Variants in DLX5 observed in about 807,000 individuals in gnomAD.
DLX5 encodes the protein homeobox protein DLX-5.
DLX5 carries 8 observed loss-of-function variants against 27.1 expected under a neutral mutation model. The ratio of observed to expected loss-of-function variants is 0.30; its 90% CI spans 0.17 to 0.53. DLX5 has a LOEUF of 0.53. Among genes scored for constraint, DLX5 ranks in the 20% least tolerant of loss-of-function variants. The probability of loss-of-function intolerance (pLI) is 0.95; values close to 1 mark genes in which losing one functional copy is unlikely to be tolerated. For missense variants in DLX5, 339 were observed against 375.1 expected, an observed-to-expected ratio of 0.90 and a Z score of 0.80; for synonymous variants, 178 against 161.9, an observed-to-expected ratio of 1.10 and a Z score of -0.75.
At chr7:97,022,080 T>C (rs1790078700) in intron 2 of DLX5, 105 bp downstream of exon 2, 2 of 1,385,080 alleles carry the variant, frequency 1.4e-6, no homozygotes, top group African/African-American at 1.4e-5. Context: ...TGTTAGTTTC[T>C]CACGGGTACT....
rs79183163 is a variant in DLX5, at chr7:97,024,110, C to T, written c.355+159G>A. On this transcript the variant is annotated intron_variant, in intron 1 of 2. Transcript: ENST00000648378. The surrounding 1 kb of genome is among the most constrained non-coding windows in gnomAD (Gnocchi z 4.6). ...ACTAAAAATCCCTAAAATGCTGGCCCGAGAAACTCTCTTTGTTGGAGGGTC... is the reference window on the plus strand; with the variant it reads ...ACTAAAAATCCCTAAAATGCTGGCCTGAGAAACTCTCTTTGTTGGAGGGTC... Among the ~76,000 whole-genome samples the T allele has an allele frequency of 4.6e-3, 704 of 152,258 alleles. 7 individuals carry two copies. The highest frequency in any genetic ancestry group is 0.016 in the African/African-American group (668 of 41,546).
At position 97,020,985 on chromosome 7, in the gene DLX5, G is replaced by A. The variant is rs533894373; in HGVS notation, c.621C>T (p.Pro207=). The change falls in exon 3 of 3, where the codon CCC becomes CCT. Residue 207 remains proline, a synonymous_variant. Coordinates refer to ENST00000648378, the MANE Select transcript of DLX5 (RefSeq NM_005221.6). ...KNGEMPPEHS[P]SSSDPMACNS... Reference sequence around the variant, plus strand: ...TACACGCCATTGGGTCGCTGGAGCTGGGACTGTGCTCCGGGGGCATCTCCC... The same window carrying A: ...TACACGCCATTGGGTCGCTGGAGCTAGGACTGTGCTCCGGGGGCATCTCCC... 6.2e-7 allele frequency: 1 copy of A among 1,613,844 alleles called. No homozygotes were observed. Among genetic ancestry groups the A allele is most frequent in the Non-Finnish European group, 8.5e-7 (1 of 1,180,042 alleles).
At chr7:97,021,997 T>TGGG in intron 2 of DLX5, 188 bp downstream of exon 2, 1 of 687,450 alleles carries the variant, frequency 1.5e-6, no homozygotes, top group South Asian at 1.8e-5. Context: ...TCCAGACCGC[T>TGGG]GATGAATACC....
chr7:97,020,833 G>A lies in DLX5; in HGVS notation c.773C>T (p.Ser258Phe). The change falls in exon 3 of 3, where the codon TCC becomes TTC. Residue 258 changes from serine to phenylalanine, a missense_variant. Ser to Phe is a radical substitution (Grantham distance 155, BLOSUM62 -2). Around this residue, in one of 3 missense-constraint regions of DLX5, gnomAD observed 136 missense variants for 130.3 expected, o/e 1.04. Transcript: ENST00000648378. ...PASSYLENSA[S>F]WYTSAASSIN... ...TGAGCTGGCTGCACTTGTGTACCAG[G>A]ATGCAGAGTTCTCCAGGTAGCTGGA... 2 of 1,614,098 alleles carry A rather than the reference G, an allele frequency of 1.2e-6. No homozygotes were observed. The highest frequency in any genetic ancestry group is 1.7e-6 in the Non-Finnish European group (2 of 1,179,990).
chr7:97,022,570 C>A lies in DLX5; in HGVS notation c.356-201G>T, dbSNP rs1196203831. On this transcript the variant is annotated intron_variant, in intron 1 of 2. Coordinates refer to ENST00000648378, the MANE Select transcript of DLX5 (RefSeq NM_005221.6). ...AAAGCGGGATAGCCTCTGATTAATT[C>A]CTACTCTGTTCATTCAGATAGTTTG... 3 of 985,464 alleles carry A rather than the reference C, an allele frequency of 3.0e-6. No homozygotes were observed. In the African/African-American group the frequency reaches 5.2e-5, roughly 17 times the overall value. The allele number at this position is 985,464 out of a possible 1,614,324, so 61.0% of individuals were successfully genotyped here. A position where few individuals can be genotyped will look rare whatever the true frequency, so the allele number is the denominator to read the frequency against.
Position 97,024,263 on chromosome 7 carries a change from A to C in DLX5, c.355+6T>G. The C allele has an allele frequency of 6.2e-7, 1 of 1,611,494 alleles. No homozygotes were observed. The highest frequency in any genetic ancestry group is 8.5e-7 in the Non-Finnish European group (1 of 1,178,500). ...TATCTGCCCAGCCTTCCCCCTGTCC[A>C]TGTACCTGGCTGGTTGGTGGCGCTT... On this transcript the variant is annotated splice_donor_region_variant and intron_variant, in intron 1 of 2. Coordinates refer to ENST00000648378, the MANE Select transcript of DLX5 (RefSeq NM_005221.6). This position sits in a 1 kb window ranked among gnomAD's most constrained non-coding sequence, Gnocchi z 4.6.
At chr7:97,021,987 T>G in intron 2 of DLX5, 198 bp downstream of exon 2, 1 of 667,544 alleles carries the variant, frequency 1.5e-6, no homozygotes, top group Non-Finnish European at 2.6e-6. Flanking sequence ...GGGAGGTATC[T>G]CCAGACCGCT....
At position 97,021,494 on chromosome 7, in the gene DLX5, A is replaced by G. The variant is rs1368704701; in HGVS notation, c.541-429T>C. On this transcript the variant is annotated intron_variant, in intron 2 of 2. Transcript: ENST00000648378. ...CGGGCTACGCGCGCCTGTGGTCAGA[A>G]AAAGGAGCGAGCTCCCAACCTCCCG... Among the ~76,000 whole-genome samples, 6 of 152,294 alleles carry G rather than the reference A, an allele frequency of 3.9e-5. No individual in the cohort carries two copies. In the East Asian group the frequency reaches 1.2e-3, roughly 30 times the overall value.
At position 97,020,653 on chromosome 7, in the gene DLX5, C is replaced by T. The variant is rs575908695; in HGVS notation, c.*83G>A. The T allele has an allele frequency of 3.1e-4, 416 of 1,333,384 alleles. 5 individuals carry two copies. The South Asian group carries it at 7.4e-3, about 24-fold the overall frequency. The allele number at this position is 1,333,384 out of a possible 1,614,324, so 82.6% of individuals were successfully genotyped here. A position where few individuals can be genotyped will look rare whatever the true frequency, so the allele number is the denominator to read the frequency against. On this transcript the variant is annotated 3_prime_UTR_variant, in exon 3 of 3. Transcript: ENST00000648378. The stretch of plus-strand genomic sequence containing the variant: ...ATCTTTTTCAGTTTTCCGAACTTCC[C>T]CATATGAATTCCTTTCTTTATGATT...
In DLX5 at chr7:97,024,132, G is replaced by C. The variant is rs1790133891; in HGVS notation, c.355+137C>G. On this transcript the variant is annotated intron_variant, in intron 1 of 2. Transcript: ENST00000648378. The surrounding 1 kb of genome is among the most constrained non-coding windows in gnomAD (Gnocchi z 4.6). The stretch of plus-strand genomic sequence containing the variant: ...GCCCGAGAAACTCTCTTTGTTGGAG[G>C]GTCTGAGTCCTACTCCCTTCTGCCG... The C allele has an allele frequency of 2.7e-6, 2 of 750,904 alleles. No individual in the cohort carries two copies. The highest frequency in any genetic ancestry group is 3.9e-5 in the South Asian group (2 of 51,226). The allele number at this position is 750,904 out of a possible 1,614,324, so 46.5% of individuals were successfully genotyped here. A position where few individuals can be genotyped will look rare whatever the true frequency, so the allele number is the denominator to read the frequency against.
At chr7:97,022,741 C>T (rs942508658) in intron 1 of DLX5, 3 of 273,952 alleles carry the variant, frequency 1.1e-5, no homozygotes, top group Middle Eastern at 1.8e-3. Flanking sequence ...AGAACACCAG[C>T]CCCTCCCCAG....
At chr7:97,023,153 G>T (rs1790111389) in intron 1 of DLX5, among the ~76,000 whole-genome samples, 1 of 151,968 alleles carries the variant, frequency 6.6e-6, no homozygotes, top group Non-Finnish European at 1.5e-5. Context: ...AGAAGGAACC[G>T]GTGGTGGGGT....
intron 2 of DLX5, 143 bp downstream of exon 2, chr7:97,022,042 A>T: frequency 1.0e-6 from 1 of 972,456 alleles, no homozygotes; most frequent in Non-Finnish European, 1.6e-6. Context: ...TCACCGAGTT[A>T]AAGCATAGGG....
chr7:97,021,679 C>T (rs1322441172), intron 2 of DLX5, among the ~76,000 whole-genome samples: 1 of 152,142 alleles, frequency 6.6e-6, no homozygotes, highest in African/African-American at 2.4e-5. Flanking sequence ...TACAATAGCG[C>T]CCCCCACCTC....
In DLX5 at chr7:97,024,312, G is replaced by A. The variant is rs200820594; in HGVS notation, c.312C>T (p.Tyr104=). The A allele has an allele frequency of 7.1e-5, 115 of 1,614,180 alleles. 2 individuals carry two copies. The East Asian group carries it at 2.5e-3, about 35-fold the overall frequency. Residue 104 remains tyrosine, a synonymous_variant, in exon 1 of 3, where the codon TAC becomes TAT. Transcript: ENST00000648378. The surrounding 1 kb of genome is among the most constrained non-coding windows in gnomAD (Gnocchi z 4.6). The part of the protein sequence containing the change: ...DYSYASSYHQ[Y]GGAYNRVPSA... ...TTGGGACGCGGTTGTAGGCGCCGCCGTACTGGTGGTAGGAGCTAGCGTAGC... is the reference window on the plus strand; with the variant it reads ...TTGGGACGCGGTTGTAGGCGCCGCCATACTGGTGGTAGGAGCTAGCGTAGC...
Position 97,020,448 on chromosome 7 carries a change from T to C in DLX5, c.*288A>G, listed in dbSNP as rs1257369414. On this transcript the variant is annotated 3_prime_UTR_variant, in exon 3 of 3. Coordinates refer to ENST00000648378, the MANE Select transcript of DLX5 (RefSeq NM_005221.6). ...TCCAGAATATACAGTTTAATTCCTC[T>C]ATCTACACTTATTTACATGGCTAAA... The C allele has an allele frequency of 8.1e-6, 2 of 247,240 alleles. No individual in the cohort carries two copies. The highest frequency in any genetic ancestry group is 5.2e-5 in the Admixed American group (1 of 19,062). The allele number at this position is 247,240 out of a possible 1,614,324, so 15.3% of individuals were successfully genotyped here.
intron 1 of DLX5, chr7:97,022,678 G>GT (rs777723464): frequency 6.2e-6 from 5 of 810,764 alleles, no homozygotes; most frequent in Non-Finnish European, 7.5e-6. Flanking sequence ...TCCCGGACTT[G>GT]TTTTTACGCC....
At position 97,020,893 on chromosome 7, in the gene DLX5, T is replaced by G. The variant is rs758672181; in HGVS notation, c.713A>C (p.His238Pro). The G allele has an allele frequency of 3.1e-6, 5 of 1,614,002 alleles. No individual in the cohort carries two copies. The African/African-American group carries it at 4.0e-5, about 13-fold the overall frequency. Residue 238 changes from histidine to proline, a missense_variant, in exon 3 of 3, where the codon CAT becomes CCT. Physicochemically the swap from His to Pro is moderately conservative, Grantham distance 77 (BLOSUM62 -2). Around this residue, in one of 3 missense-constraint regions of DLX5, gnomAD observed 136 missense variants for 130.3 expected, o/e 1.04. Coordinates refer to ENST00000648378, the MANE Select transcript of DLX5 (RefSeq NM_005221.6). ...GSSRSLSHHP[H>P]AHPPTSNQSP... is the part of the protein sequence containing the mutation. ...CTGGTTGGAGGTCGGAGGGTGGGCA[T>G]GAGGGTGGTGGCTGAGCGAGCGGGA...
rs1178118947 is a variant in DLX5, at chr7:97,020,560, C to A, written c.*176G>T. The A allele has an allele frequency of 6.5e-6, 4 of 618,128 alleles. No individual in the cohort carries two copies. The East Asian group carries it at 9.0e-5, about 14-fold the overall frequency. 38.3% of individuals were successfully genotyped at this position (618,128 alleles called of 1,614,324 possible). A position where few individuals can be genotyped will look rare whatever the true frequency, so the allele number is the denominator to read the frequency against. The stretch of plus-strand genomic sequence containing the variant: ...TGTCCACAGTTGCGCAAAAAAAGTC[C>A]TCTGTAAAAAAAGGGGGGGTCTTTT... On this transcript the variant is annotated 3_prime_UTR_variant, in exon 3 of 3. Coordinates refer to ENST00000648378, the MANE Select transcript of DLX5 (RefSeq NM_005221.6).
Sources: gnomAD v4.1 joint callset for allele counts (sites outside exome capture counted in the v4.1 genomes callset) on GRCh38, gnomAD v4.1.1 for gene constraint, gnomAD v4.1.1 regional missense constraint, Gnocchi (gnomAD v3.1) non-coding constraint, MANE v1.5 for transcripts, NCBI Gene and HGNC (gene_info 2026-07-23, HGNC 2026-07-21) for gene names.